S100A8: variants seen among roughly 807,000 people sequenced by gnomAD.
S100A8 encodes the protein protein S100-A8.
Under a neutral mutation model 4.2 loss-of-function variants are expected in S100A8, and 1 was observed. The observed-to-expected ratio is 0.24, with a 90% CI of 0.08 to 1.12. S100A8 has a LOEUF of 1.12. Ranked by LOEUF, S100A8 falls within the 50% of genes most tolerant of loss-of-function variation. The pLI, the probability that S100A8 is intolerant of heterozygous loss-of-function variation, is 0.53. For synonymous variants in S100A8, 41 were observed against 44.7 expected (o/e 0.92, Z 0.33); for missense variants, 96 against 111.8 (o/e 0.86, Z 0.64).
At chr1:153,418,723 T>C in the S100A8 span, among the ~76,000 whole-genome samples, 2 of 151,958 alleles carry the variant, frequency 1.3e-5, no homozygotes, top group Non-Finnish European at 2.9e-5. Context: ...ACCCAGAAGA[T>C]GAGTTTGGTG....
the S100A8 span, among the ~76,000 whole-genome samples, chr1:153,415,835 G>T: frequency 3.9e-5 from 6 of 152,160 alleles, no homozygotes; most frequent in South Asian, 4.1e-4. Context: ...AAGTAATCCT[G>T]CTTCCCTCCC....
At chr1:153,394,131 C>A (rs73018466), upstream of S100A8, among the ~76,000 whole-genome samples, 802 of 152,272 alleles carry the variant, frequency 5.3e-3, 3 homozygotes, top group African/African-American at 0.018. Context: ...CTAGAGGGAG[C>A]GGAACCTGGT....
chr1:153,413,210 A>G, the S100A8 span, among the ~76,000 whole-genome samples: 1 of 152,254 alleles, frequency 6.6e-6, no homozygotes, highest in Non-Finnish European at 1.5e-5. Flanking sequence ...ATACAAAAAA[A>G]GAAATTTATA....
At chr1:153,418,892 C>T in the S100A8 span, among the ~76,000 whole-genome samples, 1 of 152,160 alleles carries the variant, frequency 6.6e-6, no homozygotes, top group East Asian at 1.9e-4. Context: ...CCCAAGGTCA[C>T]TTAACAGAGT....
At chr1:153,415,319 T>C in the S100A8 span, among the ~76,000 whole-genome samples, 1 of 151,686 alleles carries the variant, frequency 6.6e-6, no homozygotes, top group Non-Finnish European at 1.5e-5. Context: ...AGATGATGGG[T>C]GGAGAAAATA....
chr1:153,408,675 T>A, the S100A8 span, among the ~76,000 whole-genome samples: 1 of 152,100 alleles, frequency 6.6e-6, no homozygotes, highest in African/African-American at 2.4e-5. Context: ...CACATAATTG[T>A]CAGATTCACC....
the S100A8 span, among the ~76,000 whole-genome samples, chr1:153,400,075 T>A: frequency 2.6e-5 from 4 of 152,072 alleles, no homozygotes; most frequent in Non-Finnish European, 5.9e-5. Flanking sequence ...GGTACTGTAC[T>A]TAGAAAAGCA....
At chr1:153,421,298 C>T in the S100A8 span, 1 of 152,192 alleles carries the variant, frequency 6.6e-6, no homozygotes, top group African/African-American at 2.4e-5. Flanking sequence ...ATGATCTCTG[C>T]TTCATTTGTG....
At chr1:153,403,143 G>C in the S100A8 span, among the ~76,000 whole-genome samples, 1 of 152,204 alleles carries the variant, frequency 6.6e-6, no homozygotes, top group Non-Finnish European at 1.5e-5. Flanking sequence ...AGCCTCAGTA[G>C]CATATGCAAA....
chr1:153,415,982 G>A, the S100A8 span, among the ~76,000 whole-genome samples: 1 of 152,194 alleles, frequency 6.6e-6, no homozygotes, highest in African/African-American at 2.4e-5. Flanking sequence ...GTAAACTTGG[G>A]AACATCTCAA....
upstream of S100A8, among the ~76,000 whole-genome samples, chr1:153,393,589 C>T (rs373503313): frequency 1.6e-3 from 237 of 152,246 alleles, 1 homozygote; most frequent in African/African-American, 5.5e-3. Flanking sequence ...AGTCTGACTT[C>T]CTTGACAAAA....
the S100A8 span, among the ~76,000 whole-genome samples, chr1:153,418,553 G>A: frequency 2.0e-5 from 3 of 152,040 alleles, no homozygotes; most frequent in African/African-American, 7.2e-5. Flanking sequence ...CTTCCCAAAG[G>A]CCCCACATCA....
At chr1:153,393,158 T>A (rs1298441904), upstream of S100A8, among the ~76,000 whole-genome samples, 1 of 152,168 alleles carries the variant, frequency 6.6e-6, no homozygotes, top group Non-Finnish European at 1.5e-5. Context: ...CTGCCTGTAA[T>A]GCCTTTTGTC....
the S100A8 span, among the ~76,000 whole-genome samples, chr1:153,401,416 G>A: frequency 6.6e-6 from 1 of 152,118 alleles, no homozygotes; most frequent in Non-Finnish European, 1.5e-5. Flanking sequence ...ACAGACATTT[G>A]GCCAAAACTT....
the S100A8 span, among the ~76,000 whole-genome samples, chr1:153,412,304 C>T: frequency 6.6e-6 from 1 of 152,024 alleles, no homozygotes; most frequent in Non-Finnish European, 1.5e-5. Flanking sequence ...ACAAACAACC[C>T]CATCAAAAAG....
At chr1:153,390,368 C>A (rs1013240106) in intron 2 of S100A8, 27 bp downstream of exon 2, 26 of 1,611,884 alleles carry the variant, frequency 1.6e-5, no homozygotes, top group Non-Finnish European at 2.1e-5. Flanking sequence ...AGGCAGAGAG[C>A]CCCCGCCACA....
At chr1:153,413,677 G>GA in the S100A8 span, among the ~76,000 whole-genome samples, 1 of 152,178 alleles carries the variant, frequency 6.6e-6, no homozygotes, top group African/African-American at 2.4e-5. Flanking sequence ...GAGATGAGTG[G>GA]ATCGCTTGAG....
chr1:153,407,599 T>A, the S100A8 span, among the ~76,000 whole-genome samples: 3 of 152,208 alleles, frequency 2.0e-5, no homozygotes, highest in Non-Finnish European at 4.4e-5. Flanking sequence ...CGTCCCTGTT[T>A]GACAGCTTTG....
chr1:153,418,528 C>T, the S100A8 span, among the ~76,000 whole-genome samples: 6 of 152,152 alleles, frequency 3.9e-5, 1 homozygote, highest in South Asian at 1.2e-3. Context: ...CTGAAACTCA[C>T]ATGCTCAGGT....
Sources: allele counts gnomAD v4.1 joint callset (sites outside exome capture counted in the v4.1 genomes callset), GRCh38; gene constraint gnomAD v4.1.1; transcripts MANE v1.5; gene names NCBI Gene and HGNC (gene_info 2026-07-23, HGNC 2026-07-21).